The following SNAP23 variants were observed in gnomAD, a reference collection of about 807,000 sequenced individuals.
The protein encoded by SNAP23 is synaptosome associated protein 23.
In SNAP23, 11 loss-of-function variants were observed where a neutral mutation model predicts 29.0. The ratio of observed to expected loss-of-function variants is 0.38; its 90% CI spans 0.24 to 0.63. The LOEUF is 0.63. Among genes scored for constraint, SNAP23 ranks in the 20% least tolerant of loss-of-function variants. The pLI, the probability that SNAP23 is intolerant of heterozygous loss-of-function variation, is 0.58. For missense variants in SNAP23, 220 were observed against 253.9 expected (o/e 0.87, Z 0.91); for synonymous variants, 60 against 82.9 (o/e 0.72, Z 1.50).
Position 42,531,433 on chromosome 15 carries a change from T to G in SNAP23, c.591T>G (p.Arg197=). ...TTCAGGCTGACACCAACAGAGATCG[T>G]ATTGATATTGCCAATGCCAGAGCAA... ...ITDKADTNRD[R]IDIANARAKK... is the part of the protein sequence containing the mutation. The change falls in exon 8 of 8, where the codon CGT becomes CGG. Residue 197 remains arginine (R), a synonymous_variant. Coordinates refer to ENST00000249647, the MANE Select transcript of SNAP23 (RefSeq NM_003825.4). 6.3e-7 allele frequency: 1 copy of G among 1,593,402 alleles called. No homozygotes were observed. Among genetic ancestry groups the G allele is most frequent in the Non-Finnish European group, 8.5e-7 (1 of 1,171,930 alleles).
At chr15:42,509,564 C>T (rs1037994601) in intron 1 of SNAP23, among the ~76,000 whole-genome samples, 4 of 151,526 alleles carry the variant, frequency 2.6e-5, no homozygotes, top group East Asian at 2.0e-4. Flanking sequence ...CTCAGCCTCC[C>T]GAGTAGCTGG....
In SNAP23 at chr15:42,531,638, T is replaced by C; in HGVS notation, c.*160T>C. The C allele has an allele frequency of 2.0e-6, 1 of 504,122 alleles. No homozygotes were observed. Among genetic ancestry groups the C allele is most frequent in the Non-Finnish European group, 3.5e-6 (1 of 288,422 alleles). The allele number at this position is 504,122 out of a possible 1,614,324, so 31.2% of individuals were successfully genotyped here. A position where few individuals can be genotyped will look rare whatever the true frequency, so the allele number is the denominator to read the frequency against. The stretch of plus-strand genomic sequence containing the variant: ...TTACAGCCCTCCTTCTTTTTTGTTT[T>C]CTGTTGAGGGCCGACTGCTGCTCTG... On this transcript the variant is annotated 3_prime_UTR_variant, in exon 8 of 8. Coordinates refer to ENST00000249647, the MANE Select transcript of SNAP23 (RefSeq NM_003825.4).
chr15:42,516,559 G>A (rs927730677), intron 5 of SNAP23, among the ~76,000 whole-genome samples: 1 of 152,020 alleles, frequency 6.6e-6, no homozygotes, highest in Non-Finnish European at 1.5e-5. Context: ...TTGATCTCTT[G>A]ACCTCATGAT....
In SNAP23 at chr15:42,520,663, T is replaced by G. The variant is rs2057440647; in HGVS notation, c.266+5309T>G. On this transcript the variant is annotated intron_variant, in intron 5 of 7. Coordinates refer to ENST00000249647, the MANE Select transcript of SNAP23 (RefSeq NM_003825.4). Reference sequence around the variant, plus strand: ...GCGCCCGCCACCACACCTGGCTAATTTTTTGTATTTTTAGTAGAGACGGGG... The same window carrying G: ...GCGCCCGCCACCACACCTGGCTAATGTTTTGTATTTTTAGTAGAGACGGGG... Among the ~76,000 whole-genome samples, 3 of 151,856 alleles carry G rather than the reference T, an allele frequency of 2.0e-5. No homozygotes were observed. The South Asian group carries it at 6.3e-4, about 32-fold the overall frequency.
chr15:42,496,127 C>A (rs1406418263), intron 1 of SNAP23, among the ~76,000 whole-genome samples: 1 of 152,092 alleles, frequency 6.6e-6, no homozygotes, highest in Non-Finnish European at 1.5e-5. Context: ...AAAGGTTCAG[C>A]CTTACCTCGC....
At chr15:42,527,954 G>A (rs148257509) in intron 5 of SNAP23, 37 of 270,750 alleles carry the variant, frequency 1.4e-4, no homozygotes, top group African/African-American at 7.7e-4. Flanking sequence ...AAACGATAGT[G>A]CCAGAGGCTA....
intron 1 of SNAP23, among the ~76,000 whole-genome samples, chr15:42,503,578 C>G (rs1393823155): frequency 1.3e-5 from 2 of 152,118 alleles, no homozygotes; most frequent in African/African-American, 2.4e-5. Flanking sequence ...CCGTGTTGGC[C>G]AGGCTGGTCT....
rs1437546107 is a variant in SNAP23 at position 42,531,697 on chromosome 15, C to T, written c.*219C>T. The T allele has an allele frequency of 1.1e-4, 44 of 405,860 alleles. No homozygotes were observed. The highest frequency in any genetic ancestry group is 5.4e-4 in the East Asian group (14 of 25,926). 25.1% of individuals were successfully genotyped at this position (405,860 alleles called of 1,614,324 possible). The stretch of plus-strand genomic sequence containing the variant: ...CTAGTATTTTCTTTCTCAATTCATA[C>T]GCTTAGATTGGTTTTCATATGTCAT... On this transcript the variant is annotated 3_prime_UTR_variant, in exon 8 of 8. Transcript: ENST00000249647.
Position 42,531,423 on chromosome 15 carries a change from A to G in SNAP23, c.581A>G (p.Asn194Ser). The change falls in exon 8 of 8, where the codon AAC (asparagine) becomes AGC (serine). Residue 194 changes from asparagine to serine, a missense_variant. Asn to Ser is a conservative substitution (Grantham distance 46, BLOSUM62 1). Transcript: ENST00000249647. The part of the protein sequence containing the change: ...IKRITDKADT[N>S]RDRIDIANAR... The stretch of plus-strand genomic sequence containing the variant: ...TTTCTTGTTTTTCAGGCTGACACCA[A>G]CAGAGATCGTATTGATATTGCCAAT... 6.3e-7 allele frequency: 1 copy of G among 1,582,614 alleles called. No individual in the cohort carries two copies. Among genetic ancestry groups the G allele is most frequent in the African/African-American group, 1.4e-5 (1 of 73,784 alleles).
chr15:42,504,527 T>C (rs919708611), intron 1 of SNAP23, among the ~76,000 whole-genome samples: 5 of 152,246 alleles, frequency 3.3e-5, no homozygotes, highest in African/African-American at 1.2e-4. Context: ...TATTCAACAT[T>C]GTTACTTTCC....
At chr15:42,529,503 G>T (rs1213063041) in intron 6 of SNAP23, among the ~76,000 whole-genome samples, 172 bp from the exon 7 acceptor site, 1 of 152,138 alleles carries the variant, frequency 6.6e-6, no homozygotes, top group Non-Finnish European at 1.5e-5. Context: ...TGCTCTCTTT[G>T]ATGAGTCTCC....
chr15:42,499,871 C>T (rs908557913), intron 1 of SNAP23, among the ~76,000 whole-genome samples: 1 of 152,090 alleles, frequency 6.6e-6, no homozygotes, highest in Admixed American at 6.6e-5. Flanking sequence ...TAGGGCCGGG[C>T]GGTGGTTCAT....
At chr15:42,515,120 C>T in intron 4 of SNAP23, 117 bp from the exon 5 acceptor site, 1 of 661,546 alleles carries the variant, frequency 1.5e-6, no homozygotes, top group South Asian at 1.8e-5. Context: ...CTGACATACT[C>T]ACTGTGGGGA....
intron 5 of SNAP23, among the ~76,000 whole-genome samples, chr15:42,522,603 G>C (rs1396761715): frequency 6.7e-6 from 1 of 148,312 alleles, no homozygotes; most frequent in Non-Finnish European, 1.5e-5. Flanking sequence ...TTTATTATTA[G>C]TTAATAGTTA....
At chr15:42,512,136 G>A (rs2057362208) in intron 2 of SNAP23, 1 of 281,094 alleles carries the variant, frequency 3.6e-6, no homozygotes, top group African/African-American at 2.2e-5. Context: ...TATTACTTAA[G>A]TGTAACAAAG....
chr15:42,529,954 G>A, intron 7 of SNAP23, 135 bp downstream of exon 7: 1 of 947,480 alleles, frequency 1.1e-6, no homozygotes, highest in Non-Finnish European at 1.5e-6. Context: ...TGATGAGGTG[G>A]TGGTTCTAAC....
At chr15:42,493,763 T>C (rs1480526819), upstream of SNAP23, among the ~76,000 whole-genome samples, 1 of 152,148 alleles carries the variant, frequency 6.6e-6, no homozygotes, top group African/African-American at 2.4e-5. Context: ...TTCTCAGCTT[T>C]CCTTTAAACT....
At chr15:42,494,364 C>A (rs547624376), upstream of SNAP23, among the ~76,000 whole-genome samples, 43 of 150,352 alleles carry the variant, frequency 2.9e-4, no homozygotes, top group South Asian at 9.1e-3. Context: ...TCCTTGATCC[C>A]TTAGGAATAG....
chr15:42,515,145 C>G (rs1402526753), intron 4 of SNAP23, 92 bp from the exon 5 acceptor site: 1 of 726,124 alleles, frequency 1.4e-6, no homozygotes, highest in African/African-American at 1.8e-5. Flanking sequence ...TTGGTAGATT[C>G]AAGGTTGAAG....
Sources: allele counts gnomAD v4.1 joint callset (sites outside exome capture counted in the v4.1 genomes callset), GRCh38; gene constraint gnomAD v4.1.1; transcripts MANE v1.5; gene names NCBI Gene and HGNC (gene_info 2026-07-23, HGNC 2026-07-21).